ARHGAP15: variants seen among roughly 807,000 people sequenced by gnomAD.
ARHGAP15 encodes Rho GTPase activating protein 15.
Under a neutral mutation model 63.7 loss-of-function variants are expected in ARHGAP15, and 51 were observed. The observed-to-expected ratio is 0.80, with a 90% CI of 0.64 to 1.01. ARHGAP15 has a LOEUF of 1.01. ARHGAP15 is among the 50% of genes least tolerant of loss of function. The pLI is 0.00. For synonymous variants in ARHGAP15, 191 were observed against 193.8 expected (o/e 0.99, Z 0.12); for missense variants, 560 against 564.6 (o/e 0.99, Z 0.08).
intron 8 of ARHGAP15, among the ~76,000 whole-genome samples, chr2:143,455,456 T>G (rs1191746988): frequency 3.3e-5 from 5 of 152,048 alleles, no homozygotes; most frequent in African/African-American, 4.8e-5. Context: ...ATCCTGTGAC[T>G]AAGAATATCT....
At chr2:143,501,409 CCTCA>C (rs1693048859) in intron 9 of ARHGAP15, among the ~76,000 whole-genome samples, 1 of 152,118 alleles carries the variant, frequency 6.6e-6, no homozygotes, top group African/African-American at 2.4e-5. Context: ...TTTGACAGGA[CCTCA>C]CTCAATGCCT....
At chr2:143,697,197 A>G (rs1683888264) in intron 12 of ARHGAP15, among the ~76,000 whole-genome samples, 1 of 151,954 alleles carries the variant, frequency 6.6e-6, no homozygotes, top group South Asian at 2.1e-4. Context: ...AAGCTACAAC[A>G]TACTGTACCC....
intron 5 of ARHGAP15, among the ~76,000 whole-genome samples, chr2:143,246,409 T>C (rs1272447790): frequency 1.3e-5 from 2 of 151,866 alleles, no homozygotes; most frequent in Non-Finnish European, 2.9e-5. Flanking sequence ...GTGATCTCCA[T>C]GAAGTCAGAA....
chr2:143,536,041 T>C (rs1310016226), intron 10 of ARHGAP15, among the ~76,000 whole-genome samples: 1 of 152,232 alleles, frequency 6.6e-6, no homozygotes. Context: ...CACATAGTTA[T>C]CATAGATGAG....
chr2:143,230,349 T>C (rs955859899), intron 5 of ARHGAP15, among the ~76,000 whole-genome samples: 2 of 152,234 alleles, frequency 1.3e-5, no homozygotes, highest in African/African-American at 4.8e-5. Flanking sequence ...AATTATCAGC[T>C]GTTAAATTTT....
At chr2:143,745,646 C>T (rs6721148) in intron 13 of ARHGAP15, among the ~76,000 whole-genome samples, 45,093 of 151,992 alleles carry the variant, frequency 0.3, 7,722 homozygotes, top group Non-Finnish European at 0.39. Context: ...GAGATTACTA[C>T]AAACTTTTTA....
chr2:143,250,718 A>C, intron 6 of ARHGAP15, 118 bp downstream of exon 6: 7 of 729,908 alleles, frequency 9.6e-6, no homozygotes, highest in Non-Finnish European at 1.5e-5. Flanking sequence ...TCGTTGTCTG[A>C]AGGTCATGAA....
chr2:143,648,286 G>T (rs1680988433), intron 12 of ARHGAP15, among the ~76,000 whole-genome samples: 1 of 152,042 alleles, frequency 6.6e-6, no homozygotes, highest in African/African-American at 2.4e-5. Context: ...CCTGCTATTT[G>T]TGTGCTTGAA....
At chr2:143,592,542 C>A (rs1226810536) in intron 11 of ARHGAP15, among the ~76,000 whole-genome samples, 1 of 152,272 alleles carries the variant, frequency 6.6e-6, no homozygotes, top group South Asian at 2.1e-4. Context: ...GTGGAGTCTG[C>A]AGCCCTGTGT....
chr2:143,651,606 G>A (rs954431855), intron 12 of ARHGAP15, among the ~76,000 whole-genome samples: 14 of 151,958 alleles, frequency 9.2e-5, no homozygotes, highest in Non-Finnish European at 1.8e-4. Flanking sequence ...GAATGACTGG[G>A]TCATATGGTA....
At chr2:143,640,151 A>G (rs1452080990) in intron 12 of ARHGAP15, among the ~76,000 whole-genome samples, 5 of 152,082 alleles carry the variant, frequency 3.3e-5, no homozygotes, top group Admixed American at 2.6e-4. Flanking sequence ...GGAGTAGGAG[A>G]CATTTCTTAC....
chr2:143,649,180 C>T lies in ARHGAP15; in HGVS notation c.1138+24913C>T, dbSNP rs545784309. 3.3e-5 allele frequency among the ~76,000 whole-genome samples: 5 copies of T among 152,064 alleles called. No individual in the cohort carries two copies. In the East Asian group the frequency reaches 9.7e-4, roughly 29 times the overall value. On this transcript the variant is annotated intron_variant, in intron 12 of 13. Transcript: ENST00000295095. ...ATTTTCTTCTATCATTCATCATCAT[C>T]ATCATCATCAGTGTAACCAGTTGCA... is the stretch of plus-strand genomic sequence containing the variant.
At chr2:143,654,683 C>G (rs539852271) in intron 12 of ARHGAP15, among the ~76,000 whole-genome samples, 1 of 152,114 alleles carries the variant, frequency 6.6e-6, no homozygotes. Flanking sequence ...CTAGTGTCAC[C>G]GTTTTGAACT....
chr2:143,758,137 A>G (rs1479108655), intron 13 of ARHGAP15, among the ~76,000 whole-genome samples: 1 of 152,022 alleles, frequency 6.6e-6, no homozygotes, highest in East Asian at 1.9e-4. Context: ...TTTTTAAAAG[A>G]ATGAGGTATT....
At chr2:143,546,703 T>C (rs1193876942) in intron 10 of ARHGAP15, among the ~76,000 whole-genome samples, 5 of 152,062 alleles carry the variant, frequency 3.3e-5, no homozygotes, top group Admixed American at 3.3e-4. Context: ...ACTAAGCAAG[T>C]CATACTACCA....
At chr2:143,617,592 T>C (rs1698497906) in intron 11 of ARHGAP15, among the ~76,000 whole-genome samples, 1 of 152,136 alleles carries the variant, frequency 6.6e-6, no homozygotes, top group African/African-American at 2.4e-5. Context: ...CATAATTACC[T>C]CTTTAAAGAT....
At chr2:143,376,719 CTTTAA>C (rs1375454181) in intron 6 of ARHGAP15, among the ~76,000 whole-genome samples, 2 of 151,854 alleles carry the variant, frequency 1.3e-5, no homozygotes, top group Non-Finnish European at 2.9e-5. Flanking sequence ...TAAATTCATA[CTTTAA>C]TTTACTCCCA....
At chr2:143,285,550 G>A (rs752104297) in intron 6 of ARHGAP15, among the ~76,000 whole-genome samples, 2 of 152,076 alleles carry the variant, frequency 1.3e-5, no homozygotes, top group Non-Finnish European at 2.9e-5. Flanking sequence ...AACTACTATA[G>A]CATAAAGGCT....
chr2:143,296,660 T>C (rs1682644896), intron 6 of ARHGAP15, among the ~76,000 whole-genome samples: 1 of 151,688 alleles, frequency 6.6e-6, no homozygotes, highest in South Asian at 2.1e-4. Flanking sequence ...TTTTAGAAAC[T>C]CGATCTTCAC....
Sources: gnomAD v4.1 joint callset for allele counts (sites outside exome capture counted in the v4.1 genomes callset) on GRCh38, gnomAD v4.1.1 for gene constraint, MANE v1.5 for transcripts, NCBI Gene and HGNC (gene_info 2026-07-23, HGNC 2026-07-21) for gene names.